The following SPOCK3 variants were observed in gnomAD, a reference collection of about 807,000 sequenced individuals.
The protein encoded by SPOCK3 is SPARC (osteonectin), cwcv and kazal like domains proteoglycan 3, also known as testican-3.
SPOCK3 carries 30 observed loss-of-function variants against 56.6 expected under a neutral mutation model. The ratio of observed to expected loss-of-function variants is 0.53; its 90% CI spans 0.40 to 0.72. SPOCK3 has a LOEUF of 0.72. Among genes scored for constraint, SPOCK3 ranks in the 30% least tolerant of loss-of-function variants. The pLI is 0.00. For missense variants in SPOCK3, 527 were observed against 530.0 expected, an observed-to-expected ratio of 0.99 and a Z score of 0.06; for synonymous variants, 196 against 183.3, an observed-to-expected ratio of 1.07 and a Z score of -0.56.
intron 2 of SPOCK3, among the ~76,000 whole-genome samples, chr4:167,162,993 T>C (rs1018039103): frequency 6.6e-6 from 1 of 151,888 alleles, no homozygotes; most frequent in Non-Finnish European, 1.5e-5. Context: ...ACAATATAAA[T>C]ATCAACTTAT....
chr4:167,066,113 T>C (rs563903253), intron 2 of SPOCK3, among the ~76,000 whole-genome samples: 49 of 152,074 alleles, frequency 3.2e-4, no homozygotes, highest in African/African-American at 9.4e-4. Context: ...ATGTGTTTTA[T>C]TGTTTAAACT....
intron 4 of SPOCK3, among the ~76,000 whole-genome samples, chr4:166,957,158 G>A (rs1412022917): frequency 6.6e-6 from 1 of 152,200 alleles, no homozygotes; most frequent in Admixed American, 6.5e-5. Flanking sequence ...GGAGGCTGAG[G>A]TGGGAGGATC....
At chr4:167,147,581 C>T (rs1764073500) in intron 2 of SPOCK3, among the ~76,000 whole-genome samples, 1 of 152,122 alleles carries the variant, frequency 6.6e-6, no homozygotes, top group Admixed American at 6.5e-5. Flanking sequence ...CAATGATAAA[C>T]TGGATAAAGA....
chr4:166,927,737 T>C (rs549651964), intron 4 of SPOCK3, among the ~76,000 whole-genome samples: 3 of 152,286 alleles, frequency 2.0e-5, no homozygotes, highest in Admixed American at 6.5e-5. Flanking sequence ...TGTATTTCAT[T>C]ACAATTAAAA....
intron 4 of SPOCK3, among the ~76,000 whole-genome samples, chr4:166,948,447 C>T (rs982797111): frequency 1.9e-4 from 29 of 152,060 alleles, no homozygotes; most frequent in African/African-American, 6.8e-4. Flanking sequence ...CACTATTTTT[C>T]CATAATGGGA....
At chr4:166,861,715 T>C (rs1731264847) in intron 6 of SPOCK3, among the ~76,000 whole-genome samples, 1 of 152,078 alleles carries the variant, frequency 6.6e-6, no homozygotes, top group African/African-American at 2.4e-5. Flanking sequence ...ATACTGGGGT[T>C]CCTAAGAGCC....
At chr4:166,962,566 G>C (rs1744256320) in intron 4 of SPOCK3, among the ~76,000 whole-genome samples, 1 of 152,026 alleles carries the variant, frequency 6.6e-6, no homozygotes, top group Non-Finnish European at 1.5e-5. Context: ...ACAGATGTAG[G>C]AAAGGAAGAG....
chr4:167,204,589 C>G (rs1053251920), intron 2 of SPOCK3, among the ~76,000 whole-genome samples: 9 of 151,958 alleles, frequency 5.9e-5, no homozygotes, highest in African/African-American at 2.2e-4. Context: ...GTCCCTCACC[C>G]AACATGTGGG....
chr4:166,943,759 C>G (rs894715555), intron 4 of SPOCK3, among the ~76,000 whole-genome samples: 1 of 152,170 alleles, frequency 6.6e-6, no homozygotes, highest in African/African-American at 2.4e-5. Context: ...TTCATGTAAA[C>G]TCCACTTCCT....
chr4:166,951,918 T>C (rs1233979070), intron 4 of SPOCK3, among the ~76,000 whole-genome samples: 2 of 152,202 alleles, frequency 1.3e-5, no homozygotes, highest in Non-Finnish European at 2.9e-5. Flanking sequence ...AATTAGGTAT[T>C]GATGGGACAT....
At chr4:166,951,444 C>T (rs1190631084) in intron 4 of SPOCK3, among the ~76,000 whole-genome samples, 4 of 142,066 alleles carry the variant, frequency 2.8e-5, no homozygotes, top group Non-Finnish European at 6.0e-5. Context: ...GAATCAATAG[C>T]TTACCAACAA....
chr4:166,948,882 G>A (rs1742132143), intron 4 of SPOCK3, among the ~76,000 whole-genome samples: 1 of 152,018 alleles, frequency 6.6e-6, no homozygotes, highest in Non-Finnish European at 1.5e-5. Flanking sequence ...GAATCTGAAT[G>A]TTGGCCTGCC....
chr4:166,873,987 T>G (rs1265874657), intron 6 of SPOCK3, among the ~76,000 whole-genome samples: 1 of 152,160 alleles, frequency 6.6e-6, no homozygotes, highest in Non-Finnish European at 1.5e-5. Context: ...TACATGCACC[T>G]TGTAGTAGCT....
chr4:166,889,358 C>T (rs1363309437), intron 5 of SPOCK3, 114 bp from the exon 6 acceptor site: 4 of 656,384 alleles, frequency 6.1e-6, no homozygotes, highest in East Asian at 5.5e-5. Flanking sequence ...GAGATTTTTC[C>T]ACCAGGTAAT....
intron 6 of SPOCK3, among the ~76,000 whole-genome samples, chr4:166,812,071 T>A (rs1560884973): frequency 1.3e-5 from 2 of 151,866 alleles, no homozygotes; most frequent in Admixed American, 6.6e-5. Context: ...ATGTTCACTT[T>A]CAAATACTGA....
At position 166,903,565 on chromosome 4, in the gene SPOCK3, C is replaced by T. The variant is rs568344796; in HGVS notation, c.474+9055G>A. On this transcript the variant is annotated intron_variant, in intron 5 of 10. Transcript: ENST00000357545. ...TCAGAGGGGTTGTCTAATTCATCGA[C>T]GTGACTGTGCTTTCATATCGAGCCT... Among the ~76,000 whole-genome samples the T allele has an allele frequency of 2.5e-3, 378 of 152,186 alleles. 3 individuals are homozygous for T. The highest frequency in any genetic ancestry group is 8.8e-3 in the African/African-American group (364 of 41,544).
intron 4 of SPOCK3, among the ~76,000 whole-genome samples, chr4:166,995,263 G>GTT (rs1748235444): frequency 6.6e-6 from 1 of 151,486 alleles, no homozygotes; most frequent in East Asian, 1.9e-4. Context: ...GTGTGTGTGT[G>GTT]CATACAGATA....
intron 3 of SPOCK3, among the ~76,000 whole-genome samples, chr4:167,013,714 A>G (rs1225416207): frequency 1.3e-5 from 2 of 152,042 alleles, no homozygotes; most frequent in Admixed American, 1.3e-4. Context: ...AGCTGTCTCA[A>G]ATAGAATCAT....
At chr4:167,002,571 T>G (rs1749051402) in intron 3 of SPOCK3, among the ~76,000 whole-genome samples, 2 of 152,186 alleles carry the variant, frequency 1.3e-5, no homozygotes, top group Non-Finnish European at 1.5e-5. Flanking sequence ...CCTTGTTTGG[T>G]CAGTAGCTTT....
Sources: gnomAD v4.1 joint callset for allele counts (sites outside exome capture counted in the v4.1 genomes callset) on GRCh38, gnomAD v4.1.1 for gene constraint, MANE v1.5 for transcripts, NCBI Gene and HGNC (gene_info 2026-07-23, HGNC 2026-07-21) for gene names.